The following ABCG2 variants were observed in gnomAD, a reference collection of about 807,000 sequenced individuals.
The protein encoded by ABCG2 is ATP binding cassette subfamily G member 2 (JR blood group), also known as broad substrate specificity ATP-binding cassette transporter ABCG2.
A neutral mutation model predicts 73.5 loss-of-function variants in ABCG2; 80 were observed. The observed-to-expected ratio is 1.09, with a 90% CI of 0.91 to 1.31. ABCG2 has a LOEUF of 1.31. Among genes scored for constraint, ABCG2 ranks in the 50% most tolerant of loss-of-function variants. The pLI, the probability that ABCG2 is intolerant of heterozygous loss-of-function variation, is 0.00. For missense variants in ABCG2, 796 were observed against 786.2 expected (o/e 1.01, Z -0.15); for synonymous variants, 269 against 282.4 (o/e 0.95, Z 0.48).
intron 1 of ABCG2, among the ~76,000 whole-genome samples, chr4:88,212,254 C>T (rs1401409193): frequency 6.6e-6 from 1 of 152,140 alleles, no homozygotes; most frequent in Admixed American, 6.5e-5. Context: ...TAATAACTTT[C>T]CCCAGAAGAT....
intron 1 of ABCG2, among the ~76,000 whole-genome samples, chr4:88,211,341 G>A (rs1328518072): frequency 7.7e-6 from 1 of 130,100 alleles, no homozygotes; most frequent in Non-Finnish European, 1.6e-5. Context: ...TACCTGATAG[G>A]TAATTGTTCA....
intron 1 of ABCG2, among the ~76,000 whole-genome samples, chr4:88,217,235 C>A (rs1729848336): frequency 6.6e-6 from 1 of 152,058 alleles, no homozygotes; most frequent in South Asian, 2.1e-4. Context: ...GAGCAGCTGG[C>A]TTGATAGAAC....
chr4:88,129,784 A>G (rs1724719104), intron 5 of ABCG2, among the ~76,000 whole-genome samples: 3 of 152,226 alleles, frequency 2.0e-5, no homozygotes, highest in Admixed American at 2.0e-4. Flanking sequence ...GCTCATTTTC[A>G]CCCAAAGCTT....
chr4:88,158,823 C>T (rs1727142387), upstream of ABCG2: 2 of 334,834 alleles, frequency 6.0e-6, no homozygotes, highest in South Asian at 2.2e-5. Context: ...CCTGGGGAGA[C>T]CCGGACATCC....
chr4:88,227,218 G>A (rs959129894), intron 1 of ABCG2, among the ~76,000 whole-genome samples: 1 of 152,116 alleles, frequency 6.6e-6, no homozygotes, highest in Non-Finnish European at 1.5e-5. Context: ...CCAACATGGT[G>A]AAACCCTGTC....
chr4:88,150,979 C>A (rs1726437992), intron 1 of ABCG2, among the ~76,000 whole-genome samples: 1 of 152,174 alleles, frequency 6.6e-6, no homozygotes, highest in Non-Finnish European at 1.5e-5. Context: ...TCTTACACTG[C>A]CCAAACTGGG....
rs369760096 is a variant in ABCG2, at chr4:88,146,080, T to C, written c.-19-6066A>G. ...AACAGAGGCAATGACAGTGGGGACA[T>C]CAAAGGTTAAGGCTTTGAGAGGGAT... On this transcript the variant is annotated intron_variant, in intron 1 of 15. Coordinates refer to ENST00000237612, the MANE Select transcript of ABCG2 (RefSeq NM_004827.3). 7.1e-4 allele frequency among the ~76,000 whole-genome samples: 108 copies of C among 152,234 alleles called. 6 individuals are homozygous for C. In the South Asian group the frequency reaches 0.02, roughly 28 times the overall value.
chr4:88,220,731 C>T (rs1481369098), intron 1 of ABCG2: 1 of 152,182 alleles, frequency 6.6e-6, no homozygotes, highest in Non-Finnish European at 1.5e-5. Flanking sequence ...TGGGAAGGAC[C>T]TGGTGGGAGG....
At chr4:88,191,306 A>C (rs2110107461) in intron 1 of ABCG2, among the ~76,000 whole-genome samples, 1 of 151,082 alleles carries the variant, frequency 6.6e-6, no homozygotes, top group South Asian at 2.1e-4. Context: ...AAATTTACAA[A>C]GACATTTCAC....
chr4:88,171,147 A>AG (rs1256216757), intron 1 of ABCG2, among the ~76,000 whole-genome samples: 1 of 152,152 alleles, frequency 6.6e-6, no homozygotes, highest in Non-Finnish European at 1.5e-5. Flanking sequence ...GGAGAGATGC[A>AG]GAAAAAATAA....
At chr4:88,229,287 C>T (rs1730359814) in intron 1 of ABCG2, among the ~76,000 whole-genome samples, 1 of 152,178 alleles carries the variant, frequency 6.6e-6, no homozygotes, top group Non-Finnish European at 1.5e-5. Context: ...ACTCCTCTGA[C>T]TATCACTTGT....
chr4:88,179,185 G>A (rs758682309), intron 1 of ABCG2, among the ~76,000 whole-genome samples: 3 of 152,178 alleles, frequency 2.0e-5, no homozygotes, highest in Non-Finnish European at 2.9e-5. Context: ...AGCTCCAGGC[G>A]GCTGAGCACA....
chr4:88,214,427 A>G (rs867608052), intron 1 of ABCG2, among the ~76,000 whole-genome samples: 1 of 152,098 alleles, frequency 6.6e-6, no homozygotes, highest in African/African-American at 2.4e-5. Context: ...ATCCACTCCA[A>G]TCAGAACGAT....
At chr4:88,210,697 A>C (rs545589867) in intron 1 of ABCG2, among the ~76,000 whole-genome samples, 12 of 151,924 alleles carry the variant, frequency 7.9e-5, no homozygotes, top group Non-Finnish European at 1.3e-4. Flanking sequence ...GGTTCAAGCA[A>C]TTCTCCCACC....
intron 1 of ABCG2, among the ~76,000 whole-genome samples, chr4:88,170,739 CCT>C (rs2110092781): frequency 6.6e-6 from 1 of 152,376 alleles, no homozygotes; most frequent in South Asian, 2.1e-4. Flanking sequence ...CTTTATCATA[CCT>C]CACTCTTGTT....
chr4:88,164,092 A>C (rs1727420958), upstream of ABCG2: 1 of 150,124 alleles, frequency 6.7e-6, no homozygotes, highest in Non-Finnish European at 1.5e-5. Context: ...TTTGAGACGG[A>C]GTCTTGCTCT....
chr4:88,182,577 C>T (rs557978694), intron 1 of ABCG2, among the ~76,000 whole-genome samples: 4 of 152,146 alleles, frequency 2.6e-5, no homozygotes, highest in South Asian at 4.1e-4. Context: ...TGGAATAAAA[C>T]TAGAAATCAA....
At chr4:88,223,962 A>T (rs1730104277) in intron 1 of ABCG2, 1 of 151,422 alleles carries the variant, frequency 6.6e-6, no homozygotes, top group South Asian at 2.1e-4. Context: ...GTGACTAGTG[A>T]TGGTGAGCAT....
At chr4:88,158,261 G>A in intron 1 of ABCG2, 125 bp downstream of exon 1, 1 of 318,000 alleles carries the variant, frequency 3.1e-6, no homozygotes, top group South Asian at 2.5e-5. Context: ...ATGAAACTGC[G>A]AAAGGCTAAA....
Sources: allele counts gnomAD v4.1 joint callset (sites outside exome capture counted in the v4.1 genomes callset), GRCh38; gene constraint gnomAD v4.1.1; transcripts MANE v1.5; gene names NCBI Gene and HGNC (gene_info 2026-07-23, HGNC 2026-07-21).